Variants in PIAS2 observed in about 807,000 individuals in gnomAD.
PIAS2 encodes the protein protein inhibitor of activated STAT 2.
A neutral mutation model predicts 69.7 loss-of-function variants in PIAS2; 19 were observed. The ratio of observed to expected loss-of-function variants is 0.27; its 90% confidence interval spans 0.19 to 0.40. The LOEUF is 0.40. Ranked by LOEUF, PIAS2 falls within the 10% of genes least tolerant of loss-of-function variation. The probability of loss-of-function intolerance (pLI) is 1.00; values close to 1 mark genes in which losing one functional copy is unlikely to be tolerated. For synonymous variants in PIAS2, 261 were observed against 263.2 expected (o/e 0.99, Z 0.08); for missense variants, 624 against 757.0 (o/e 0.82, Z 2.06).
chr18:46,825,520 T>C (rs1393985467), intron 11 of PIAS2, among the ~76,000 whole-genome samples: 1 of 152,186 alleles, frequency 6.6e-6, no homozygotes, highest in East Asian at 1.9e-4. Flanking sequence ...CTTCAGTCCT[T>C]AAGATCCACT....
intron 11 of PIAS2, chr18:46,827,748 ACACG>A (rs2043024017): frequency 2.2e-6 from 1 of 464,542 alleles, no homozygotes; most frequent in African/African-American, 2.0e-5. Context: ...TAAATACCTC[ACACG>A]CTCACTTTCC....
rs1420249122 is a variant in PIAS2, at chr18:46,807,912, G to C, written c.*4521C>G. 1 of 152,190 alleles carries C rather than the reference G, an allele frequency of 6.6e-6. No individual in the cohort carries two copies. The allele number at this position is 152,190 out of a possible 1,614,324, so 9.4% of individuals were successfully genotyped here. ...TAAATTAACATACCCATGTGGAAAAGTGGTATGAATCAAGAACTACAAAAG... is the reference window on the plus strand; with the variant it reads ...TAAATTAACATACCCATGTGGAAAACTGGTATGAATCAAGAACTACAAAAG... On this transcript the variant is annotated 3_prime_UTR_variant, in exon 14 of 14. Transcript: ENST00000585916.
chr18:46,909,532 G>GCTAC (rs2057017755), intron 1 of PIAS2, among the ~76,000 whole-genome samples: 1 of 152,228 alleles, frequency 6.6e-6, no homozygotes, highest in Admixed American at 6.5e-5. Flanking sequence ...ACAGGCGTGA[G>GCTAC]CTACCATGCC....
At position 46,803,290 on chromosome 18, in the gene PIAS2, G is replaced by C. The variant is rs958715268; in HGVS notation, c.*9143C>G. The stretch of plus-strand genomic sequence containing the variant: ...AGGTACTTAGATTCAATAAAATATG[G>C]TGGTATTTTAAATGAAAGTTTTTTA... On this transcript the variant is annotated 3_prime_UTR_variant, in exon 14 of 14. Transcript: ENST00000585916. 4.6e-5 allele frequency: 7 copies of C among 151,998 alleles called. No homozygotes were observed. Among genetic ancestry groups the C allele is most frequent in the African/African-American group, 1.7e-4 (7 of 41,384 alleles). The allele number at this position is 151,998 out of a possible 1,614,324, so 9.4% of individuals were successfully genotyped here. A position where few individuals can be genotyped will look rare whatever the true frequency, so the allele number is the denominator to read the frequency against.
At chr18:46,840,776 G>A (rs796499520) in intron 8 of PIAS2, among the ~76,000 whole-genome samples, 1 of 152,140 alleles carries the variant, frequency 6.6e-6, no homozygotes, top group East Asian at 1.9e-4. Context: ...AATTTAATCA[G>A]ATGATGATGC....
intron 8 of PIAS2, among the ~76,000 whole-genome samples, chr18:46,838,261 C>G (rs1004039436): frequency 6.6e-6 from 1 of 152,182 alleles, no homozygotes; most frequent in Non-Finnish European, 1.5e-5. Flanking sequence ...TTGACTACTA[C>G]TTCACATTAC....
Position 46,901,439 on chromosome 18 carries a change from G to C in PIAS2, c.25-10385C>G, listed in dbSNP as rs138838652. Among the ~76,000 whole-genome samples the C allele has an allele frequency of 5.6e-4, 85 of 152,088 alleles. 1 individual carries two copies. Among genetic ancestry groups the C allele is most frequent in the Non-Finnish European group, 9.9e-4 (67 of 68,002 alleles). ...AAAATTAAACTACAAACCAATATTC[G>C]TCATGAATATAGACGTTAAAACCCT... On this transcript the variant is annotated intron_variant, in intron 1 of 13. Transcript: ENST00000585916.
At chr18:46,812,673 C>T (rs909686000) in intron 13 of PIAS2, 61 bp from the exon 14 acceptor site, 4 of 1,022,606 alleles carry the variant, frequency 3.9e-6, no homozygotes, top group Non-Finnish European at 5.9e-6. Context: ...AATAAAGAGA[C>T]TAGAAATTAT....
intron 3 of PIAS2, among the ~76,000 whole-genome samples, chr18:46,863,249 C>T (rs927675572): frequency 6.6e-6 from 1 of 152,024 alleles, no homozygotes; most frequent in African/African-American, 2.4e-5. Flanking sequence ...TCAAAAATGC[C>T]CCAGTTTGGA....
At chr18:46,856,244 G>A (rs544881119) in intron 3 of PIAS2, among the ~76,000 whole-genome samples, 46 of 151,904 alleles carry the variant, frequency 3.0e-4, no homozygotes, top group African/African-American at 7.5e-4. Flanking sequence ...CTCGTGATCC[G>A]TCCGCCTTGG....
rs888059153 is a variant in PIAS2 at position 46,820,833 on chromosome 18, C to A, written c.1648+100G>T. On this transcript the variant is annotated intron_variant, in intron 12 of 13. Transcript: ENST00000585916. Reference sequence around the variant, plus strand: ...CCGAAGCTTTCAAATTTCCTTAGCACCTCTACTGAAAATTTCAAAACTATA... The same window carrying A: ...CCGAAGCTTTCAAATTTCCTTAGCAACTCTACTGAAAATTTCAAAACTATA... The A allele has an allele frequency of 3.5e-5, 38 of 1,086,252 alleles. No homozygotes were observed. In the African/African-American group the frequency reaches 4.5e-4, roughly 13 times the overall value. The allele number at this position is 1,086,252 out of a possible 1,614,324, so 67.3% of individuals were successfully genotyped here. A position where few individuals can be genotyped will look rare whatever the true frequency, so the allele number is the denominator to read the frequency against.
chr18:46,881,151 G>C (rs761430002), intron 2 of PIAS2, among the ~76,000 whole-genome samples: 1 of 152,068 alleles, frequency 6.6e-6, no homozygotes, highest in Non-Finnish European at 1.5e-5. Context: ...CACCAGTGTG[G>C]AGTTAGTCCA....
At chr18:46,867,632 T>TTA (rs2145655676) in intron 2 of PIAS2, among the ~76,000 whole-genome samples, 1 of 152,336 alleles carries the variant, frequency 6.6e-6, no homozygotes, top group South Asian at 2.1e-4. Flanking sequence ...AGGGCATGAA[T>TTA]TAAATATGGC....
chr18:46,832,487 A>G (rs917941917), intron 9 of PIAS2, among the ~76,000 whole-genome samples: 3 of 152,190 alleles, frequency 2.0e-5, no homozygotes, highest in African/African-American at 7.2e-5. Flanking sequence ...AGAAACGTAC[A>G]GATGGAGAAT....
At position 46,917,367 on chromosome 18, in the gene PIAS2, G is replaced by T; in HGVS notation, c.-22C>A. On this transcript the variant is annotated 5_prime_UTR_variant, in exon 1 of 14. Coordinates refer to ENST00000585916, the MANE Select transcript of PIAS2 (RefSeq NM_004671.5). ...CCATTTTATACCACCCGCGGGCGCC[G>T]CCGCCGCTGCCGCCGCACCCACTCC... The T allele has an allele frequency of 6.9e-7, 1 of 1,452,756 alleles. No homozygotes were observed. Among genetic ancestry groups the T allele is most frequent in the Non-Finnish European group, 9.1e-7 (1 of 1,096,328 alleles). 90.0% of individuals were successfully genotyped at this position (1,452,756 alleles called of 1,614,324 possible). A position where few individuals can be genotyped will look rare whatever the true frequency, so the allele number is the denominator to read the frequency against.
At chr18:46,861,684 C>G (rs971912264) in intron 3 of PIAS2, among the ~76,000 whole-genome samples, 6 of 152,098 alleles carry the variant, frequency 3.9e-5, no homozygotes, top group Non-Finnish European at 8.8e-5. Context: ...AGCCGTACCC[C>G]CAAATCAGAA....
intron 2 of PIAS2, among the ~76,000 whole-genome samples, chr18:46,879,027 T>C (rs1039350720): frequency 6.6e-6 from 1 of 152,182 alleles, no homozygotes; most frequent in Non-Finnish European, 1.5e-5. Context: ...AACAGTAAAA[T>C]AATTCATAAA....
intron 2 of PIAS2, among the ~76,000 whole-genome samples, chr18:46,870,543 G>A (rs2050180954): frequency 7.1e-6 from 1 of 141,392 alleles, no homozygotes; most frequent in South Asian, 2.3e-4. Flanking sequence ...GTGAACCCAG[G>A]AGGTGGAGCT....
At chr18:46,819,622 A>G (rs1207918225) in intron 12 of PIAS2, among the ~76,000 whole-genome samples, 1 of 152,136 alleles carries the variant, frequency 6.6e-6, no homozygotes. Context: ...TGCTTAAAAT[A>G]AAGACCTCAC....
Sources: gnomAD v4.1 joint callset for allele counts (sites outside exome capture counted in the v4.1 genomes callset) on GRCh38, gnomAD v4.1.1 for gene constraint, MANE v1.5 for transcripts, NCBI Gene and HGNC (gene_info 2026-07-23, HGNC 2026-07-21) for gene names.